Variants in CDH10 observed in about 807,000 individuals in gnomAD.
CDH10 encodes the protein cadherin-10.
In CDH10, 30 loss-of-function variants were observed where a neutral mutation model predicts 73.1. The observed-to-expected ratio is 0.41, with a 90% CI of 0.31 to 0.56. The LOEUF is 0.56. CDH10 is among the 20% of genes least tolerant of loss of function. CDH10 has a pLI of 0.27. For synonymous variants in CDH10, 345 were observed against 348.2 expected, an observed-to-expected ratio of 0.99 and a Z score of 0.10; for missense variants, 815 against 973.7, an observed-to-expected ratio of 0.84 and a Z score of 2.17.
At chr5:24,519,545 T>A (rs1362715541) in intron 5 of CDH10, among the ~76,000 whole-genome samples, 1 of 152,142 alleles carries the variant, frequency 6.6e-6, no homozygotes, top group Non-Finnish European at 1.5e-5. Context: ...TAGTCAAGGA[T>A]GTTGATAGAA....
chr5:24,524,695 GAGA>G (rs1489206314), intron 5 of CDH10, among the ~76,000 whole-genome samples: 5 of 152,088 alleles, frequency 3.3e-5, no homozygotes, highest in African/African-American at 1.2e-4. Context: ...GCATGAATGT[GAGA>G]AGGAGAGAGG....
At chr5:24,584,846 G>A (rs1745935339) in intron 2 of CDH10, among the ~76,000 whole-genome samples, 1 of 150,600 alleles carries the variant, frequency 6.6e-6, no homozygotes, top group African/African-American at 2.5e-5. Context: ...TTCAAATATA[G>A]CTTTTTTTTT....
intron 2 of CDH10, among the ~76,000 whole-genome samples, chr5:24,579,746 T>G (rs1269760063): frequency 6.6e-6 from 1 of 152,144 alleles, no homozygotes; most frequent in East Asian, 1.9e-4. Context: ...TCAGTTTCAT[T>G]CATTGTTTTT....
intron 2 of CDH10, among the ~76,000 whole-genome samples, chr5:24,582,456 C>T (rs1745836869): frequency 6.6e-6 from 1 of 152,006 alleles, no homozygotes; most frequent in South Asian, 2.1e-4. Flanking sequence ...CAAAATAAAG[C>T]TTAATAGCAC....
intron 5 of CDH10, among the ~76,000 whole-genome samples, chr5:24,523,231 C>T (rs533508459): frequency 2.1e-4 from 32 of 151,908 alleles, no homozygotes; most frequent in Non-Finnish European, 4.1e-4. Flanking sequence ...CAAGAAGATA[C>T]TAGTTAGAAA....
At chr5:24,568,700 T>C (rs1745253402) in intron 2 of CDH10, among the ~76,000 whole-genome samples, 1 of 152,156 alleles carries the variant, frequency 6.6e-6, no homozygotes, top group South Asian at 2.1e-4. Flanking sequence ...TATAGCAATG[T>C]TCATACCAGC....
chr5:24,551,176 C>G (rs1744528538), intron 2 of CDH10, among the ~76,000 whole-genome samples: 1 of 152,114 alleles, frequency 6.6e-6, no homozygotes, highest in South Asian at 2.1e-4. Context: ...CTTAAATATG[C>G]TACACTTATT....
intron 1 of CDH10, among the ~76,000 whole-genome samples, chr5:24,620,863 A>C (rs766694974): frequency 1.1e-4 from 16 of 152,198 alleles, no homozygotes; most frequent in Admixed American, 2.0e-4. Flanking sequence ...AGCAGCAATC[A>C]ATTTAGCTGA....
intron 2 of CDH10, among the ~76,000 whole-genome samples, chr5:24,587,009 T>A (rs1366161058): frequency 1.3e-5 from 2 of 151,366 alleles, no homozygotes; most frequent in East Asian, 3.9e-4. Flanking sequence ...CGTGCCCGGC[T>A]AATTTTTTGT....
intron 5 of CDH10, 41 bp from the exon 6 acceptor site, chr5:24,511,555 G>GAC: frequency 4.8e-6 from 1 of 210,488 alleles, no homozygotes; most frequent in Non-Finnish European, 7.8e-6. Context: ...CAGAGAGAGA[G>GAC]AGAGAGAGAG....
At chr5:24,596,696 A>G (rs1746382799) in intron 1 of CDH10, among the ~76,000 whole-genome samples, 1 of 151,966 alleles carries the variant, frequency 6.6e-6, no homozygotes, top group South Asian at 2.1e-4. Flanking sequence ...GTAACTTCTT[A>G]TATGTATAAA....
chr5:24,515,218 T>A (rs552161854), intron 5 of CDH10, among the ~76,000 whole-genome samples: 6 of 152,270 alleles, frequency 3.9e-5, no homozygotes, highest in African/African-American at 1.4e-4. Flanking sequence ...TAAAAATAAT[T>A]AAAAATATAC....
At chr5:24,539,266 C>G (rs1744069460) in intron 2 of CDH10, among the ~76,000 whole-genome samples, 1 of 151,894 alleles carries the variant, frequency 6.6e-6, no homozygotes, top group African/African-American at 2.4e-5. Context: ...TCATTTTCAT[C>G]TAATTAAGTG....
chr5:24,600,474 C>T (rs1746518758), intron 1 of CDH10, among the ~76,000 whole-genome samples: 1 of 151,940 alleles, frequency 6.6e-6, no homozygotes, highest in African/African-American at 2.4e-5. Context: ...TTCTCACAAT[C>T]CAAGAATTAA....
intron 5 of CDH10, among the ~76,000 whole-genome samples, chr5:24,526,221 C>A (rs1441392710): frequency 4.6e-5 from 7 of 152,024 alleles, no homozygotes; most frequent in African/African-American, 9.6e-5. Context: ...GAGTGTGAAT[C>A]CCATTATGTA....
At chr5:24,504,635 C>T (rs1742632553) in intron 8 of CDH10, among the ~76,000 whole-genome samples, 2 of 150,234 alleles carry the variant, frequency 1.3e-5, no homozygotes, top group South Asian at 4.2e-4. Context: ...ACGCCATTCT[C>T]CTGCCTCAGC....
rs73054504 is a variant in CDH10, at chr5:24,591,566, T to G, written c.231+1694A>C. Among the ~76,000 whole-genome samples the G allele has an allele frequency of 1.0e-3, 152 of 152,074 alleles. 1 individual carries two copies. The highest frequency in any genetic ancestry group is 3.5e-3 in the African/African-American group (146 of 41,538). On this transcript the variant is annotated intron_variant, in intron 2 of 11. Transcript: ENST00000264463. ...TATATATTAAGTTTACCAACTTAAT[T>G]GTCTTCAGTGATTACAACTTCTAGA... is the stretch of plus-strand genomic sequence containing the variant.
chr5:24,493,663 C>T (rs1742150373), intron 9 of CDH10, among the ~76,000 whole-genome samples: 1 of 151,592 alleles, frequency 6.6e-6, no homozygotes, highest in Admixed American at 6.6e-5. Context: ...TTTTTTGCAC[C>T]TATCTTCCTT....
chr5:24,570,021 C>T (rs1745315163), intron 2 of CDH10, among the ~76,000 whole-genome samples: 1 of 151,976 alleles, frequency 6.6e-6, no homozygotes, highest in South Asian at 2.1e-4. Flanking sequence ...CCGCCTCAGC[C>T]TCTCAAAGTC....
Sources: gnomAD v4.1 joint callset for allele counts (sites outside exome capture counted in the v4.1 genomes callset) on GRCh38, gnomAD v4.1.1 for gene constraint, MANE v1.5 for transcripts, NCBI Gene and HGNC (gene_info 2026-07-23, HGNC 2026-07-21) for gene names.